Variants in USP34 observed in about 807,000 individuals in gnomAD.
The protein encoded by USP34 is ubiquitin specific peptidase 34.
A neutral mutation model predicts 460.3 loss-of-function variants in USP34; 70 were observed. That is an observed-to-expected ratio of 0.15 (90% CI 0.13 to 0.19). The LOEUF (loss-of-function observed/expected upper bound fraction) is 0.19, where lower values mean the gene tolerates loss of function less well. Among genes scored for constraint, USP34 ranks in the 10% least tolerant of loss-of-function variants. USP34 has a pLI of 1.00. For missense variants in USP34, 3,985 were observed against 4,236.2 expected (o/e 0.94, Z 1.65); for synonymous variants, 1,647 against 1,405.3 (o/e 1.17, Z -3.85).
intron 2 of USP34, chr2:61,417,113 G>C: frequency 1.3e-6 from 2 of 1,529,556 alleles, no homozygotes; most frequent in South Asian, 1.1e-5. Flanking sequence ...AGCTTGGTAT[G>C]GATGGACATA....
chr2:61,315,121 A>G (rs1041591602), intron 23 of USP34, 147 bp from the exon 24 acceptor site: 6 of 568,594 alleles, frequency 1.1e-5, no homozygotes, highest in African/African-American at 3.8e-5. Context: ...AATTTCCTCA[A>G]TTGATGAAAT....
At chr2:61,242,454 T>TACATAC (rs1553356123) in intron 51 of USP34, among the ~76,000 whole-genome samples, 1 of 67,514 alleles carries the variant, frequency 1.5e-5, no homozygotes, top group African/African-American at 6.3e-5. Flanking sequence ...CCAAAGATAA[T>TACATAC]ACATACACAC....
intron 1 of USP34, among the ~76,000 whole-genome samples, chr2:61,426,636 G>C (rs1225231559): frequency 6.6e-6 from 1 of 152,204 alleles, no homozygotes; most frequent in Non-Finnish European, 1.5e-5. Context: ...TAGAGATCTT[G>C]CTGCCCTGAA....
At position 61,256,390 on chromosome 2, in the gene USP34, T is replaced by G. The variant is rs1165029429; in HGVS notation, c.6215A>C (p.Glu2072Ala). Residue 2072 changes from glutamate to alanine, a missense_variant, in exon 48 of 80, where the codon GAA (glutamate) becomes GCA (alanine). Glu to Ala is a moderately radical substitution (Grantham distance 107, BLOSUM62 -1). Transcript: ENST00000398571. Reference protein sequence around the residue: ...CSHCGKKVRAEKRACFKKLPR... With the variant: ...CSHCGKKVRAAKRACFKKLPR... ...CACATTTGAAAAAGCATACCTTTTT[T>G]CAGCTCGTACTTTCTTCCCACAATG... is the stretch of plus-strand genomic sequence containing the variant. The G allele has an allele frequency of 3.1e-6, 5 of 1,611,434 alleles. No individual in the cohort carries two copies. In the African/African-American group the frequency reaches 4.0e-5, roughly 13 times the overall value.
Position 61,364,719 on chromosome 2 carries a change from A to T in USP34, c.1251+5602T>A, listed in dbSNP as rs1480788548. ...CGAGACAGGCAGATCACTTCAGGTC[A>T]GGAGTTTGAGACCAGCCTAGCTGAC... On this transcript the variant is annotated intron_variant, in intron 10 of 79. Coordinates refer to ENST00000398571, the MANE Select transcript of USP34 (RefSeq NM_014709.4). 2.0e-5 allele frequency among the ~76,000 whole-genome samples: 3 copies of T among 152,278 alleles called. No homozygotes were observed. The East Asian group carries it at 5.8e-4, about 29-fold the overall frequency.
intron 10 of USP34, among the ~76,000 whole-genome samples, chr2:61,367,156 G>A (rs1472870610): frequency 1.3e-5 from 2 of 152,164 alleles, no homozygotes; most frequent in African/African-American, 4.8e-5. Flanking sequence ...AGGGCGAGAA[G>A]GACTAAGATT....
Position 61,407,437 on chromosome 2 carries a change from G to T in USP34, c.132-1309C>A, listed in dbSNP as rs138230214. On this transcript the variant is annotated intron_variant, in intron 2 of 79. Coordinates refer to ENST00000398571, the MANE Select transcript of USP34 (RefSeq NM_014709.4). ...CAAGTACCTGGTTCTAATAATACTTGTACCAGATGACAGCTAAGCAACTAT... is the reference window on the plus strand; with the variant it reads ...CAAGTACCTGGTTCTAATAATACTTTTACCAGATGACAGCTAAGCAACTAT... Among the ~76,000 whole-genome samples the T allele has an allele frequency of 5.0e-4, 76 of 152,290 alleles. 2 individuals carry two copies. In the East Asian group the frequency reaches 0.014, roughly 29 times the overall value.
At chr2:61,291,937 C>A (rs981549808) in intron 33 of USP34, among the ~76,000 whole-genome samples, 1 of 151,998 alleles carries the variant, frequency 6.6e-6, no homozygotes, top group Non-Finnish European at 1.5e-5. Flanking sequence ...CGAAAATAGG[C>A]TAAGTGAAAG....
At chr2:61,288,930 CACAAT>C in intron 33 of USP34, 53 bp from the exon 34 acceptor site, 10 of 1,559,836 alleles carry the variant, frequency 6.4e-6, no homozygotes, top group Non-Finnish European at 8.7e-6. Context: ...TTAGAATGGC[CACAAT>C]ACAATTTTGA....
intron 29 of USP34, 52 bp downstream of exon 29, chr2:61,300,899 A>G: frequency 1.6e-6 from 2 of 1,219,072 alleles, no homozygotes; most frequent in Non-Finnish European, 2.3e-6. Flanking sequence ...AAGTTACTAT[A>G]TCCTCTCAAC....
At chr2:61,199,602 G>A (rs1480298653) in intron 75 of USP34, among the ~76,000 whole-genome samples, 1 of 152,148 alleles carries the variant, frequency 6.6e-6, no homozygotes, top group Non-Finnish European at 1.5e-5. Flanking sequence ...GGTCTAAAGA[G>A]TGACATATTA....
At chr2:61,375,996 G>A (rs894063786) in intron 8 of USP34, among the ~76,000 whole-genome samples, 7 of 152,006 alleles carry the variant, frequency 4.6e-5, no homozygotes, top group African/African-American at 1.4e-4. Context: ...CCTTTTAAAT[G>A]AAATATCTCA....
At chr2:61,273,484 C>T (rs922328234) in intron 41 of USP34, among the ~76,000 whole-genome samples, 2 of 152,182 alleles carry the variant, frequency 1.3e-5, no homozygotes, top group Middle Eastern at 3.4e-3. Context: ...TTTGGGAGGC[C>T]GAGGCAGGCG....
rs775579882 is a variant in USP34 at position 61,223,271 on chromosome 2, T to C, written c.7621A>G (p.Met2541Val). Reference protein sequence around the residue: ...ERHLTLSQTDMAALTGGKGFP... With the variant: ...ERHLTLSQTDVAALTGGKGFP... The stretch of plus-strand genomic sequence containing the variant: ...ACCTTTCCTCCTGTTAATGCTGCCA[T>C]GTCAGTCTGTGATAATGTCAAATGC... Residue 2541 changes from methionine (M) to valine (V), a missense_variant, in exon 63 of 80, where the codon ATG becomes GTG. This residue lies in a region of USP34 where 604 missense variants were observed against 684.8 expected (regional missense o/e 0.88). Coordinates refer to ENST00000398571, the MANE Select transcript of USP34 (RefSeq NM_014709.4). 5 of 1,613,926 alleles carry C rather than the reference T, an allele frequency of 3.1e-6. No homozygotes were observed. The highest frequency in any genetic ancestry group is 3.3e-4 in the Middle Eastern group (2 of 6,072).
At chr2:61,396,318 A>T (rs1206369469) in intron 3 of USP34, among the ~76,000 whole-genome samples, 1 of 152,162 alleles carries the variant, frequency 6.6e-6, no homozygotes, top group African/African-American at 2.4e-5. Context: ...AATATCCTTC[A>T]ATATTTAAAA....
intron 23 of USP34, among the ~76,000 whole-genome samples, chr2:61,316,176 A>C (rs771880208): frequency 2.6e-5 from 4 of 152,176 alleles, no homozygotes; most frequent in African/African-American, 4.8e-5. Flanking sequence ...ACTGCACTCC[A>C]GCAGTTATCA....
intron 53 of USP34, among the ~76,000 whole-genome samples, chr2:61,238,263 A>G (rs1348640474): frequency 4.6e-5 from 7 of 152,090 alleles, no homozygotes; most frequent in Non-Finnish European, 1.0e-4. Flanking sequence ...AACTTCCATC[A>G]CAGCCATACA....
chr2:61,190,679 T>G, intron 76 of USP34, 21 bp from the exon 77 acceptor site: 2 of 1,606,898 alleles, frequency 1.2e-6, no homozygotes, highest in Admixed American at 1.7e-5. Flanking sequence ...GAGAAGATGG[T>G]TGAGCACTTA....
intron 34 of USP34, 150 bp downstream of exon 34, chr2:61,288,527 A>G (rs1689756723): frequency 1.3e-5 from 10 of 747,036 alleles, no homozygotes; most frequent in Non-Finnish European, 2.2e-5. Context: ...ATACTGCTTC[A>G]TAATCACTAC....
Sources: gnomAD v4.1 joint callset for allele counts (sites outside exome capture counted in the v4.1 genomes callset) on GRCh38, gnomAD v4.1.1 for gene constraint, gnomAD v4.1.1 regional missense constraint, MANE v1.5 for transcripts, NCBI Gene and HGNC (gene_info 2026-07-23, HGNC 2026-07-21) for gene names.